Variants in MAGI1 observed in about 807,000 individuals in gnomAD.
MAGI1 encodes membrane-associated guanylate kinase, WW and PDZ domain-containing protein 1.
In MAGI1, 58 loss-of-function variants were observed where a neutral mutation model predicts 139.9. The ratio of observed to expected loss-of-function variants is 0.41; its 90% CI spans 0.34 to 0.52. The LOEUF is 0.52. Ranked by LOEUF, MAGI1 falls within the 20% of genes least tolerant of loss-of-function variation. The probability of loss-of-function intolerance (pLI) is 0.12; values close to 1 mark genes in which losing one functional copy is unlikely to be tolerated. For synonymous variants in MAGI1, 812 were observed against 737.9 expected (o/e 1.10, Z -1.63); for missense variants, 1,874 against 1,901.6 (o/e 0.99, Z 0.27).
At chr3:65,838,529 C>T (rs185176320) in intron 1 of MAGI1, among the ~76,000 whole-genome samples, 49 of 152,210 alleles carry the variant, frequency 3.2e-4, no homozygotes, top group African/African-American at 1.1e-3. Context: ...CAGCATAATG[C>T]CTTTGAGATC....
intron 2 of MAGI1, among the ~76,000 whole-genome samples, chr3:65,603,492 T>C (rs2082576333): frequency 6.6e-6 from 1 of 152,232 alleles, no homozygotes; most frequent in Non-Finnish European, 1.5e-5. Context: ...TTTGGAAACA[T>C]GCATTAAATT....
chr3:65,636,725 T>TACAC (rs774592349), intron 1 of MAGI1, among the ~76,000 whole-genome samples: 7,036 of 123,728 alleles, frequency 0.057, 285 homozygotes, highest in African/African-American at 0.13. Context: ...CACACACACA[T>TACAC]ACACACACAC....
chr3:66,037,089 G>A (rs1406249596), intron 1 of MAGI1, among the ~76,000 whole-genome samples: 1 of 152,094 alleles, frequency 6.6e-6, no homozygotes, highest in African/African-American at 2.4e-5. Context: ...CTGCAGCAAG[G>A]GCTCAAACCC....
intron 2 of MAGI1, among the ~76,000 whole-genome samples, chr3:65,495,738 G>C (rs1286682700): frequency 6.6e-6 from 1 of 152,156 alleles, no homozygotes; most frequent in African/African-American, 2.4e-5. Context: ...GAGGGAGCAA[G>C]GGAGAAGTAG....
At chr3:65,824,432 C>T (rs898286431) in intron 1 of MAGI1, among the ~76,000 whole-genome samples, 10 of 152,152 alleles carry the variant, frequency 6.6e-5, no homozygotes, top group Non-Finnish European at 1.5e-4. Context: ...GGGAGAAAAA[C>T]GAGGGGCCCA....
chr3:65,500,885 A>C (rs1524977), intron 2 of MAGI1, among the ~76,000 whole-genome samples: 121,769 of 152,172 alleles, frequency 0.8, 48,765 homozygotes, highest in East Asian at 0.95. Flanking sequence ...CTTACGTGTT[A>C]AGAACAGATC....
intron 2 of MAGI1, among the ~76,000 whole-genome samples, chr3:65,616,908 A>G (rs2083403213): frequency 6.6e-6 from 1 of 152,218 alleles, no homozygotes; most frequent in African/African-American, 2.4e-5. Context: ...AGATCACAGG[A>G]AAAGTGGTTG....
At chr3:65,436,461 C>T (rs1947861881) in intron 10 of MAGI1, among the ~76,000 whole-genome samples, 1 of 152,064 alleles carries the variant, frequency 6.6e-6, no homozygotes. Flanking sequence ...TCTATAAAGG[C>T]CTCATCCTAT....
intron 18 of MAGI1, among the ~76,000 whole-genome samples, chr3:65,375,245 G>A (rs1028868886): frequency 2.0e-5 from 3 of 149,296 alleles, no homozygotes; most frequent in Non-Finnish European, 4.4e-5. Flanking sequence ...CTGGAGTGCA[G>A]TGGTGCGATC....
Position 65,391,276 on chromosome 3 carries a change from C to T in MAGI1, c.2282G>A (p.Ser761Asn), listed in dbSNP as rs1296339464. ...SHRSLHTASPSHSTQVLPEFP... is the reference protein window; with the variant it reads ...SHRSLHTASPNHSTQVLPEFP... ...CTCGGGGAGCACCTGTGTGCTGTGGCTTGGGGATGCTGTGTGCAGGCTTCG... is the reference window on the plus strand; with the variant it reads ...CTCGGGGAGCACCTGTGTGCTGTGGTTTGGGGATGCTGTGTGCAGGCTTCG... Residue 761 changes from serine to asparagine, a missense_variant, in exon 14 of 23, where the codon AGC becomes AAC. Transcript: ENST00000402939. The T allele has an allele frequency of 6.2e-7, 1 of 1,614,170 alleles. No homozygotes were observed. The highest frequency in any genetic ancestry group is 1.7e-5 in the Admixed American group (1 of 60,020).
At chr3:65,360,294 A>G (rs909429542) in intron 22 of MAGI1, 1 of 985,156 alleles carries the variant, frequency 1.0e-6, no homozygotes, top group East Asian at 1.1e-4. Flanking sequence ...TTTCTATAGA[A>G]ACTTTGGTAG....
chr3:65,635,563 C>G (rs943462875), intron 1 of MAGI1, among the ~76,000 whole-genome samples: 1 of 152,142 alleles, frequency 6.6e-6, no homozygotes, highest in African/African-American at 2.4e-5. Flanking sequence ...AACACTCAGC[C>G]AAGGCATAAG....
intron 22 of MAGI1, chr3:65,359,871 A>G: frequency 1.0e-6 from 1 of 985,176 alleles, no homozygotes; most frequent in African/African-American, 1.7e-5. Flanking sequence ...CAAATGAAAT[A>G]TCACATCCAA....
chr3:65,598,204 G>C (rs898220322), intron 2 of MAGI1, among the ~76,000 whole-genome samples: 2 of 151,922 alleles, frequency 1.3e-5, no homozygotes, highest in Non-Finnish European at 2.9e-5. Context: ...AGGCCGGGGG[G>C]ATTAGGGGGC....
chr3:65,815,590 TTA>T (rs1401732595), intron 1 of MAGI1, among the ~76,000 whole-genome samples: 1 of 152,202 alleles, frequency 6.6e-6, no homozygotes, highest in African/African-American at 2.4e-5. Flanking sequence ...TCATATAGTA[TTA>T]TCTTAGCAAG....
chr3:65,869,153 G>C (rs1296148717), intron 1 of MAGI1, among the ~76,000 whole-genome samples: 2 of 151,008 alleles, frequency 1.3e-5, no homozygotes, highest in Non-Finnish European at 2.9e-5. Context: ...TACTCGGAGA[G>C]GCAGAGGCAG....
intron 1 of MAGI1, among the ~76,000 whole-genome samples, chr3:65,743,894 CATAAAG>C (rs2035480211): frequency 6.6e-6 from 1 of 151,418 alleles, no homozygotes; most frequent in Non-Finnish European, 1.5e-5. Flanking sequence ...TTAATTTACA[CATAAAG>C]ATAATATATA....
chr3:65,918,318 G>T (rs2108717716), intron 1 of MAGI1, among the ~76,000 whole-genome samples: 1 of 150,892 alleles, frequency 6.6e-6, no homozygotes, highest in African/African-American at 2.4e-5. Context: ...TGCTTCTCTT[G>T]GTTAAAAATC....
chr3:65,741,033 C>T (rs925183541), intron 1 of MAGI1, among the ~76,000 whole-genome samples: 1 of 152,086 alleles, frequency 6.6e-6, no homozygotes, highest in Non-Finnish European at 1.5e-5. Flanking sequence ...AGTTTAATGC[C>T]TTTTGGGCTG....
Sources: allele counts gnomAD v4.1 joint callset (sites outside exome capture counted in the v4.1 genomes callset), GRCh38; gene constraint gnomAD v4.1.1; transcripts MANE v1.5; gene names NCBI Gene and HGNC (gene_info 2026-07-23, HGNC 2026-07-21).